Variants in TRPM2 observed in about 807,000 individuals in gnomAD.
The protein encoded by TRPM2 is transient receptor potential cation channel subfamily M member 2, also known as estrogen-responsive element-associated gene 1 protein.
A neutral mutation model predicts 174.0 loss-of-function variants in TRPM2; 161 were observed. The observed-to-expected ratio is 0.93, with a 90% CI of 0.81 to 1.05. The LOEUF is 1.05. TRPM2 is among the 50% of genes least tolerant of loss of function. The pLI, the probability that TRPM2 is intolerant of heterozygous loss-of-function variation, is 0.00. For missense variants in TRPM2, 2,057 were observed against 2,038.0 expected, an observed-to-expected ratio of 1.01 and a Z score of -0.18; for synonymous variants, 954 against 861.3, an observed-to-expected ratio of 1.11 and a Z score of -1.88.
chr21:44,387,815 A>AGAGAAATGCAGAT (rs2049055835), intron 9 of TRPM2, among the ~76,000 whole-genome samples: 1 of 152,264 alleles, frequency 6.6e-6, no homozygotes, highest in Non-Finnish European at 1.5e-5. Flanking sequence ...ACTAATCATT[A>AGAGAAATGCAGAT]GAGAAATGCA....
chr21:44,403,637 A>G lies in TRPM2; in HGVS notation c.2539-1505A>G, dbSNP rs45487302. Among the ~76,000 whole-genome samples, 416 of 151,610 alleles carry G rather than the reference A, an allele frequency of 2.7e-3. 2 individuals carry two copies. Among genetic ancestry groups the G allele is most frequent in the African/African-American group, 9.5e-3 (392 of 41,292 alleles). On this transcript the variant is annotated intron_variant, in intron 16 of 31. Coordinates refer to ENST00000397928, the MANE Select transcript of TRPM2 (RefSeq NM_003307.4). The stretch of plus-strand genomic sequence containing the variant: ...GGCACACACATTCATGCATATGTAT[A>G]CACACATGCACACATGCACACACAT...
chr21:44,395,370 G>A (rs1180662963), intron 11 of TRPM2, 44 bp from the exon 12 acceptor site: 1 of 1,603,230 alleles, frequency 6.2e-7, no homozygotes, highest in Non-Finnish European at 8.5e-7. Flanking sequence ...GTGACTCTGA[G>A]CCAGGCGGCC....
chr21:44,406,521 G>C (rs2146300504), intron 18 of TRPM2, 73 bp from the exon 19 acceptor site: 3 of 1,507,406 alleles, frequency 2.0e-6, no homozygotes, highest in East Asian at 4.6e-5. Flanking sequence ...CTCCACCGCT[G>C]CTGGGCCTGC....
At chr21:44,404,262 C>T (rs2049771601) in intron 16 of TRPM2, among the ~76,000 whole-genome samples, 1 of 151,784 alleles carries the variant, frequency 6.6e-6, no homozygotes, top group Non-Finnish European at 1.5e-5. Flanking sequence ...CATACATACA[C>T]AATACATGCA....
In TRPM2 at chr21:44,353,752, G is replaced by C; in HGVS notation, c.52G>C (p.Glu18Gln). The change falls in exon 1 of 32, where the codon GAG (glutamate) becomes CAG (glutamine). Residue 18 changes from glutamate (E) to glutamine (Q), a missense_variant. By Grantham distance (29) the Glu-to-Gln change is conservative. Transcript: ENST00000397928. ...TGGCTCGGAGCAGGAGGAGGGCTTT[G>C]AGGGGCTGCCCAGAAGGGTCACTGA... ...KAGSEQEEGF[E>Q]GLPRRVTDLG... 6.3e-7 allele frequency: 1 copy of C among 1,594,228 alleles called. No homozygotes were observed. Among genetic ancestry groups the C allele is most frequent in the South Asian group, 1.1e-5 (1 of 88,226 alleles).
Position 44,399,228 on chromosome 21 carries a change from C to T in TRPM2, c.2063-68C>T. The T allele has an allele frequency of 6.4e-7, 1 of 1,555,592 alleles. No individual in the cohort carries two copies. Among genetic ancestry groups the T allele is most frequent in the Non-Finnish European group, 8.7e-7 (1 of 1,146,828 alleles). ...TGGTGCTGTCCCGAGTGGTTGCCCTCTGACCCGTCCCCAGGGCTCAGTGAT... is the reference window on the plus strand; with the variant it reads ...TGGTGCTGTCCCGAGTGGTTGCCCTTTGACCCGTCCCCAGGGCTCAGTGAT... On this transcript the variant is annotated intron_variant, in intron 13 of 31. Transcript: ENST00000397928. The surrounding 1 kb of genome is among the most constrained non-coding windows in gnomAD (Gnocchi z 4.6).
chr21:44,358,688 G>A (rs1303676238), intron 2 of TRPM2, among the ~76,000 whole-genome samples: 1 of 152,164 alleles, frequency 6.6e-6, no homozygotes, highest in Non-Finnish European at 1.5e-5. Flanking sequence ...GGCAGCATTG[G>A]AGCAAGACGG....
chr21:44,414,840 C>T (rs1325801207), intron 20 of TRPM2: 2 of 152,178 alleles, frequency 1.3e-5, no homozygotes, highest in African/African-American at 4.8e-5. Context: ...GCTGTGCAGA[C>T]TCCAGCTGGC....
rs1330774175 is a variant in TRPM2, at chr21:44,405,246, A to G, written c.2643A>G (p.Ala881=). The G allele has an allele frequency of 1.2e-6, 2 of 1,613,078 alleles. No individual in the cohort carries two copies. The highest frequency in any genetic ancestry group is 1.7e-6 in the Non-Finnish European group (2 of 1,179,920). The change falls in exon 17 of 32, where the codon GCA becomes GCG. Residue 881 remains alanine, a synonymous_variant. Transcript: ENST00000397928. ...TCGGCGCAATCTTGCTCTTCGTGGC[A>G]GGGCTGACCTGCAGGTGAGTGGCCT... ...LDVGAILLFV[A]GLTCRLIPAT... is the part of the protein sequence containing the mutation.
chr21:44,382,555 A>C (rs28706780), intron 8 of TRPM2, among the ~76,000 whole-genome samples, 163 bp from the exon 9 acceptor site: 5,881 of 152,236 alleles, frequency 0.039, 336 homozygotes, highest in African/African-American at 0.12. Context: ...ATGGATCTTC[A>C]TCTGCACCAT....
At chr21:44,413,851 G>A in intron 19 of TRPM2, 40 bp from the exon 20 acceptor site, 2 of 1,591,568 alleles carry the variant, frequency 1.3e-6, no homozygotes, top group East Asian at 2.2e-5. Flanking sequence ...TTGACTCTGT[G>A]TTGTTTTCTT....
chr21:44,413,029 G>T (rs1785461), intron 19 of TRPM2, among the ~76,000 whole-genome samples: 107,174 of 151,720 alleles, frequency 0.71, 38,381 homozygotes, highest in East Asian at 0.77. Context: ...AACTTACTAT[G>T]TTTCCTTAGA....
Position 44,379,003 on chromosome 21 carries a change from G to A in TRPM2, c.1021G>A (p.Asp341Asn), listed in dbSNP as rs375889293. Residue 341 changes from aspartate to asparagine, a missense_variant, in exon 8 of 32, where the codon GAC becomes AAC. By Grantham distance (23) the Asp-to-Asn change is conservative. Transcript: ENST00000397928. ...EGGPGTLHTI[D>N]NATTNGTPCV... ...ACCCCCACCTGCCTTGCAGACCATC[G>A]ACAACGCCACCACCAACGGCACCCC... 8.7e-6 allele frequency: 14 copies of A among 1,605,138 alleles called. No homozygotes were observed. The highest frequency in any genetic ancestry group is 2.2e-5 in the South Asian group (2 of 91,064).
intron 19 of TRPM2, among the ~76,000 whole-genome samples, chr21:44,409,639 A>G (rs1401228742): frequency 7.0e-6 from 1 of 142,180 alleles, no homozygotes; most frequent in Non-Finnish European, 1.5e-5. Flanking sequence ...GTCTTGGCGT[A>G]GCCTTGTAGT....
At chr21:44,412,089 C>A (rs11909393) in intron 19 of TRPM2, among the ~76,000 whole-genome samples, 1,741 of 152,216 alleles carry the variant, frequency 0.011, 35 homozygotes, top group African/African-American at 0.038. Flanking sequence ...AGTTTTGGCA[C>A]CAGGATAATA....
At chr21:44,358,959 C>T (rs1046138630) in intron 2 of TRPM2, among the ~76,000 whole-genome samples, 1 of 151,948 alleles carries the variant, frequency 6.6e-6, no homozygotes, top group African/African-American at 2.4e-5. Flanking sequence ...AAAGGGGACC[C>T]GAGCAGTTTG....
chr21:44,420,949 C>A (rs1411651732), intron 22 of TRPM2, among the ~76,000 whole-genome samples: 2 of 152,216 alleles, frequency 1.3e-5, no homozygotes, highest in African/African-American at 4.8e-5. Flanking sequence ...CCACCACTGG[C>A]CAGCGGTGTG....
intron 5 of TRPM2, among the ~76,000 whole-genome samples, chr21:44,373,971 G>A (rs1185083013): frequency 6.6e-6 from 1 of 151,348 alleles, no homozygotes; most frequent in Non-Finnish European, 1.5e-5. Flanking sequence ...TCATTTTTCT[G>A]CTAAAATTCT....
chr21:44,391,421 C>T lies in TRPM2; in HGVS notation c.1590C>T (p.Cys530=), dbSNP rs759735894. Residue 530 remains cysteine (C), a synonymous_variant, in exon 11 of 32, where the codon TGC becomes TGT. Transcript: ENST00000397928. This position sits in a 1 kb window ranked among gnomAD's most constrained non-coding sequence, Gnocchi z 5.0. ...TGTACGAGAACCTGGACCCCTCCTG[C>T]CTGTTCCACAGCAAGCTGCAGAAGG... is the stretch of plus-strand genomic sequence containing the variant. ...LYLYENLDPS[C]LFHSKLQKVL... 1.2e-6 allele frequency: 2 copies of T among 1,614,090 alleles called. No homozygotes were observed. Among genetic ancestry groups the T allele is most frequent in the Admixed American group, 3.3e-5 (2 of 60,036 alleles).
Sources: allele counts gnomAD v4.1 joint callset (sites outside exome capture counted in the v4.1 genomes callset), GRCh38; gene constraint gnomAD v4.1.1; non-coding constraint Gnocchi (gnomAD v3.1); transcripts MANE v1.5; gene names NCBI Gene and HGNC (gene_info 2026-07-23, HGNC 2026-07-21).